The following SEPTIN9 variants were observed in gnomAD, a reference collection of about 807,000 sequenced individuals.
SEPTIN9 encodes the protein septin 9, also known as septin-9.
Under a neutral mutation model 56.6 loss-of-function variants are expected in SEPTIN9, and 13 were observed. That is an observed-to-expected ratio of 0.23 (90% confidence interval 0.15 to 0.37). SEPTIN9 has a LOEUF of 0.37. Ranked by LOEUF, SEPTIN9 falls within the 10% of genes least tolerant of loss-of-function variation. The pLI is 1.00. For synonymous variants in SEPTIN9, 332 were observed against 334.1 expected, an observed-to-expected ratio of 0.99 and a Z score of 0.07; for missense variants, 650 against 823.1, an observed-to-expected ratio of 0.79 and a Z score of 2.57.
rs9902607 is a variant in SEPTIN9, at chr17:77,487,637, A to C, written c.1042+85A>C. 1.3e-6 allele frequency: 1 copy of C among 773,874 alleles called. No homozygotes were observed. The highest frequency in any genetic ancestry group is 1.7e-6 in the Non-Finnish European group (1 of 573,944). 47.9% of individuals were successfully genotyped at this position (773,874 alleles called of 1,614,324 possible). A position where few individuals can be genotyped will look rare whatever the true frequency, so the allele number is the denominator to read the frequency against. On this transcript the variant is annotated intron_variant, in intron 5 of 11. Transcript: ENST00000427177. This position sits in a 1 kb window ranked among gnomAD's most constrained non-coding sequence, Gnocchi z 4.3. ...GTTGGGGGTCAAGACCATCACACAC[A>C]GTCAGTGGCCAGGGGCGGGCTGGGG...
rs139279726 is a variant in SEPTIN9, at chr17:77,343,640, G to A, written c.76+36443G>A. 1.2e-4 allele frequency among the ~76,000 whole-genome samples: 18 copies of A among 152,300 alleles called. No homozygotes were observed. The East Asian group carries it at 1.5e-3, about 13-fold the overall frequency. On this transcript the variant is annotated intron_variant, in intron 2 of 11. Coordinates refer to ENST00000427177, the MANE Select transcript of SEPTIN9 (RefSeq NM_001113491.2). ...GGTAACCTGGTGTCTTACCACTTGCGACTGATCTCTGAAGTTGAGGGCAGT... is the reference window on the plus strand; with the variant it reads ...GGTAACCTGGTGTCTTACCACTTGCAACTGATCTCTGAAGTTGAGGGCAGT...
intron 3 of SEPTIN9, among the ~76,000 whole-genome samples, chr17:77,460,008 ACT>A (rs1480000385): frequency 1.3e-5 from 2 of 151,850 alleles, no homozygotes; most frequent in Non-Finnish European, 2.9e-5. Context: ...GATCTCCCGG[ACT>A]TTGTGACCGT....
chr17:77,320,300 C>A (rs757186606), intron 2 of SEPTIN9: 2 of 1,612,366 alleles, frequency 1.2e-6, no homozygotes, highest in Admixed American at 1.7e-5. Context: ...GCCGGGACTC[C>A]CGCCGCTGCT....
At chr17:77,320,432 C>T (rs1243357521) in intron 2 of SEPTIN9, 2 of 1,217,324 alleles carry the variant, frequency 1.6e-6, no homozygotes, top group Non-Finnish European at 2.4e-6. Flanking sequence ...AATAAGCATG[C>T]AAAGGGCGCT....
intron 3 of SEPTIN9, among the ~76,000 whole-genome samples, chr17:77,465,185 A>G (rs962237918): frequency 2.0e-5 from 3 of 152,114 alleles, no homozygotes; most frequent in Non-Finnish European, 1.5e-5. Flanking sequence ...ATTCTTTTTC[A>G]TGGCCGAATA....
At chr17:77,398,555 C>T (rs1174265092) in intron 2 of SEPTIN9, among the ~76,000 whole-genome samples, 2 of 152,148 alleles carry the variant, frequency 1.3e-5, no homozygotes, top group Non-Finnish European at 2.9e-5. Flanking sequence ...CCAGGGTGGG[C>T]ACCTCTTCAT....
chr17:77,332,469 G>C (rs1288156188), intron 2 of SEPTIN9, among the ~76,000 whole-genome samples: 1 of 152,134 alleles, frequency 6.6e-6, no homozygotes, highest in African/African-American at 2.4e-5. Flanking sequence ...ACAACATCCT[G>C]TCAACACCTC....
intron 1 of SEPTIN9, among the ~76,000 whole-genome samples, chr17:77,293,459 G>A (rs1171620071): frequency 6.6e-6 from 1 of 152,158 alleles, no homozygotes; most frequent in Admixed American, 6.5e-5. Flanking sequence ...ACAGTGCCTG[G>A]TCCACTTGAG....
intron 4 of SEPTIN9, among the ~76,000 whole-genome samples, chr17:77,486,728 G>A (rs748038983): frequency 3.3e-5 from 5 of 152,004 alleles, no homozygotes; most frequent in Admixed American, 2.6e-4. Flanking sequence ...CCTCATCCTC[G>A]TTTGTCTCAG....
At position 77,499,417 on chromosome 17, in the gene SEPTIN9, A is replaced by G. The variant is rs886053493; in HGVS notation, c.*759A>G. Reference sequence around the variant, plus strand: ...CCCCACCGGGCTGCAGGTGCTGCTGATGCGCTGGGATCTGATTGAGGATAA... The same window carrying G: ...CCCCACCGGGCTGCAGGTGCTGCTGGTGCGCTGGGATCTGATTGAGGATAA... On this transcript the variant is annotated 3_prime_UTR_variant, in exon 12 of 12. Transcript: ENST00000427177. The G allele has an allele frequency of 1.7e-5, 9 of 538,916 alleles. No individual in the cohort carries two copies. Among genetic ancestry groups the G allele is most frequent in the Non-Finnish European group, 2.9e-5 (8 of 277,822 alleles). The allele number at this position is 538,916 out of a possible 1,614,324, so 33.4% of individuals were successfully genotyped here.
At chr17:77,295,533 C>T (rs991686985) in intron 1 of SEPTIN9, among the ~76,000 whole-genome samples, 8 of 152,164 alleles carry the variant, frequency 5.3e-5, no homozygotes, top group African/African-American at 9.7e-5. Context: ...CCAAGCCTCT[C>T]GTTGGTTGAA....
chr17:77,387,696 C>T (rs886313553), intron 2 of SEPTIN9, among the ~76,000 whole-genome samples: 4 of 152,104 alleles, frequency 2.6e-5, no homozygotes, highest in Non-Finnish European at 5.9e-5. Context: ...TGGATCTGCC[C>T]CTCCAGAAAC....
intron 2 of SEPTIN9, among the ~76,000 whole-genome samples, chr17:77,390,596 C>T (rs1170468452): frequency 1.3e-5 from 2 of 150,946 alleles, no homozygotes; most frequent in Non-Finnish European, 1.5e-5. Flanking sequence ...GGACTACAGG[C>T]GCCCGCCACC....
chr17:77,372,777 G>A (rs1378933956), intron 2 of SEPTIN9, among the ~76,000 whole-genome samples: 1 of 151,718 alleles, frequency 6.6e-6, no homozygotes, highest in Non-Finnish European at 1.5e-5. Context: ...GGTGGGAGTT[G>A]GTGGCCTCTC....
At chr17:77,479,619 A>G (rs1267644499) in intron 3 of SEPTIN9, among the ~76,000 whole-genome samples, 3 of 152,046 alleles carry the variant, frequency 2.0e-5, no homozygotes, top group Admixed American at 2.0e-4. Context: ...GTTTGATTTG[A>G]GTTTCTGCAG....
intron 1 of SEPTIN9, among the ~76,000 whole-genome samples, chr17:77,293,656 T>C (rs2031671925): frequency 6.6e-6 from 1 of 152,190 alleles, no homozygotes; most frequent in Non-Finnish European, 1.5e-5. Flanking sequence ...AAATTATAAA[T>C]TATAAGCAGC....
In SEPTIN9 at chr17:77,450,592, C is replaced by T. The variant is rs1343167852; in HGVS notation, c.722-31552C>T. On this transcript the variant is annotated intron_variant, in intron 3 of 11. Coordinates refer to ENST00000427177, the MANE Select transcript of SEPTIN9 (RefSeq NM_001113491.2). The surrounding 1 kb of genome is among the most constrained non-coding windows in gnomAD (Gnocchi z 6.0). ...GGCAGATCCCAGCGTCCAGGCCCAG[C>T]CCCTATAGTGTCAGCTCCCTCCTCT... is the stretch of plus-strand genomic sequence containing the variant. The T allele has an allele frequency of 2.9e-5, 29 of 985,602 alleles. No homozygotes were observed. Among genetic ancestry groups the T allele is most frequent in the Non-Finnish European group, 2.9e-5 (24 of 830,188 alleles). The allele number at this position is 985,602 out of a possible 1,614,324, so 61.1% of individuals were successfully genotyped here.
chr17:77,488,195 G>C, intron 5 of SEPTIN9, 45 bp from the exon 6 acceptor site: 3 of 1,580,606 alleles, frequency 1.9e-6, no homozygotes, highest in Non-Finnish European at 2.6e-6. Flanking sequence ...TGTCTGTGAG[G>C]GTCTTCCGTC....
At chr17:77,432,046 G>T (rs903263951) in intron 3 of SEPTIN9, among the ~76,000 whole-genome samples, 1 of 152,074 alleles carries the variant, frequency 6.6e-6, no homozygotes. Context: ...AGCTGGGGGT[G>T]GGGGGCAGCA....
Sources: allele counts gnomAD v4.1 joint callset (sites outside exome capture counted in the v4.1 genomes callset), GRCh38; gene constraint gnomAD v4.1.1; non-coding constraint Gnocchi (gnomAD v3.1); transcripts MANE v1.5; gene names NCBI Gene and HGNC (gene_info 2026-07-23, HGNC 2026-07-21).